C2CD2: variants seen among roughly 807,000 people sequenced by gnomAD.
C2CD2 encodes the protein C2 domain-containing protein 2.
A neutral mutation model predicts 74.3 loss-of-function variants in C2CD2; 43 were observed. The ratio of observed to expected loss-of-function variants is 0.58; its 90% CI spans 0.45 to 0.75. C2CD2 has a LOEUF of 0.75. C2CD2 is among the 30% of genes least tolerant of loss of function. The pLI is 0.00. For synonymous variants in C2CD2, 422 were observed against 390.7 expected (o/e 1.08, Z -0.94); for missense variants, 801 against 916.3 (o/e 0.87, Z 1.63).
chr21:41,893,698 CTTTTTT>C (rs60305027), intron 13 of C2CD2, among the ~76,000 whole-genome samples: 6 of 122,108 alleles, frequency 4.9e-5, no homozygotes, highest in South Asian at 2.7e-4. Flanking sequence ...TGTTAAATTT[CTTTTTT>C]TTTTTTTTTT....
intron 7 of C2CD2, among the ~76,000 whole-genome samples, chr21:41,910,341 A>T (rs938572607): frequency 1.3e-5 from 2 of 152,108 alleles, no homozygotes; most frequent in African/African-American, 4.8e-5. Context: ...ATTCTTACCC[A>T]TATATCTTTG....
chr21:41,952,743 C>G (rs535225136), intron 1 of C2CD2, among the ~76,000 whole-genome samples: 34 of 152,362 alleles, frequency 2.2e-4, no homozygotes, highest in East Asian at 1.7e-3. Context: ...CTGTGTGGCA[C>G]TGGGCAGGCT....
At chr21:41,893,309 A>G (rs2064779170) in intron 13 of C2CD2, among the ~76,000 whole-genome samples, 1 of 152,280 alleles carries the variant, frequency 6.6e-6, no homozygotes, top group Non-Finnish European at 1.5e-5. Flanking sequence ...CGAGACTACA[A>G]TGAGCTATGA....
chr21:41,932,981 C>T (rs939327306), intron 2 of C2CD2, among the ~76,000 whole-genome samples: 3 of 150,322 alleles, frequency 2.0e-5, no homozygotes, highest in South Asian at 2.1e-4. Flanking sequence ...GGTTTGTCGG[C>T]GGAGAGGAGG....
intron 2 of C2CD2, among the ~76,000 whole-genome samples, chr21:41,936,250 C>T (rs1042143704): frequency 6.6e-6 from 1 of 152,162 alleles, no homozygotes; most frequent in East Asian, 1.9e-4. Context: ...AGTAACTCAA[C>T]AGCAGGAAAA....
chr21:41,947,117 T>C (rs1026878652), intron 1 of C2CD2, among the ~76,000 whole-genome samples: 1 of 66,886 alleles, frequency 1.5e-5, no homozygotes, highest in African/African-American at 6.0e-5. Flanking sequence ...CTCTTTTCTC[T>C]CTCTCTCTCT....
chr21:41,947,221 G>A (rs532064335), intron 1 of C2CD2, among the ~76,000 whole-genome samples: 1 of 143,854 alleles, frequency 7.0e-6, no homozygotes, highest in East Asian at 2.4e-4. Flanking sequence ...GCAATGGCGC[G>A]ATCTCGGCTC....
intron 7 of C2CD2, 113 bp from the exon 8 acceptor site, chr21:41,909,636 C>T: frequency 1.3e-6 from 1 of 791,736 alleles, no homozygotes; most frequent in Non-Finnish European, 2.2e-6. Flanking sequence ...CAATATTTAA[C>T]AAACTACCAA....
In C2CD2 at chr21:41,892,704, T is replaced by C. The variant is rs1569052895; in HGVS notation, c.1871-3360A>G. Among the ~76,000 whole-genome samples, 1 of 152,186 alleles carries C rather than the reference T, an allele frequency of 6.6e-6. No homozygotes were observed. Among genetic ancestry groups the C allele is most frequent in the Admixed American group, 6.5e-5 (1 of 15,288 alleles). Reference sequence around the variant, plus strand: ...AGGTCTTTTGAACATGCAGCTGGGGTTATCCACTGCTAGCCCGGGTCTGGC... The same window carrying C: ...AGGTCTTTTGAACATGCAGCTGGGGCTATCCACTGCTAGCCCGGGTCTGGC... On this transcript the variant is annotated intron_variant, in intron 13 of 13. Coordinates refer to ENST00000380486, the MANE Select transcript of C2CD2 (RefSeq NM_015500.2). This position sits in a 1 kb window ranked among gnomAD's most constrained non-coding sequence, Gnocchi z 4.6.
At chr21:41,935,712 C>T (rs1403544887) in intron 2 of C2CD2, among the ~76,000 whole-genome samples, 5 of 151,948 alleles carry the variant, frequency 3.3e-5, no homozygotes, top group East Asian at 1.9e-4. Flanking sequence ...ATTCACAGGG[C>T]GTGGTGGTGC....
At chr21:41,919,192 G>A (rs1202913512) in intron 3 of C2CD2, among the ~76,000 whole-genome samples, 1 of 152,214 alleles carries the variant, frequency 6.6e-6, no homozygotes, top group Non-Finnish European at 1.5e-5. Flanking sequence ...GTGTGAATGT[G>A]TGCATGTGCA....
At chr21:41,898,238 C>T (rs984280036) in intron 13 of C2CD2, among the ~76,000 whole-genome samples, 1 of 152,188 alleles carries the variant, frequency 6.6e-6, no homozygotes, top group Non-Finnish European at 1.5e-5. Flanking sequence ...CTGCCTTGCC[C>T]CCAGTCCTGT....
chr21:41,899,172 A>G lies in C2CD2; in HGVS notation c.1751T>C (p.Leu584Ser), dbSNP rs199752436. The change falls in exon 13 of 14, where the codon TTG becomes TCG. Residue 584 changes from leucine (L) to serine (S), a missense_variant. Physicochemically the swap from Leu to Ser is moderately radical, Grantham distance 145. Transcript: ENST00000380486. The surrounding 1 kb of genome is among the most constrained non-coding windows in gnomAD (Gnocchi z 4.4). ...TGCCGCGGCCTGTGGCTCCTTCTCC[A>G]AGTCCCAGGAGTCTAGCTCGTCCTC... is the stretch of plus-strand genomic sequence containing the variant. ...PQEDELDSWD[L>S]EKEPQAAAWS... 9.3e-6 allele frequency: 15 copies of G among 1,613,056 alleles called. No individual in the cohort carries two copies. The highest frequency in any genetic ancestry group is 2.2e-5 in the East Asian group (1 of 44,860).
rs539715936 is a variant in C2CD2, at chr21:41,896,739, G to C, written c.1870+2314C>G. On this transcript the variant is annotated intron_variant, in intron 13 of 13. Coordinates refer to ENST00000380486, the MANE Select transcript of C2CD2 (RefSeq NM_015500.2). ...AAAAAAAAAAAAAAAACAAGCTTTA[G>C]TTTTTAAAAAAAGACATCCTCTATC... Among the ~76,000 whole-genome samples the C allele has an allele frequency of 3.7e-3, 503 of 135,586 alleles. 2 individuals carry two copies. Among genetic ancestry groups the C allele is most frequent in the Middle Eastern group, 0.012 (3 of 254 alleles). The allele number at this position is 135,586 out of a possible 152,430, so 88.9% of individuals were successfully genotyped here. A position where few individuals can be genotyped will look rare whatever the true frequency, so the allele number is the denominator to read the frequency against.
chr21:41,922,695 G>A lies in C2CD2; in HGVS notation c.379-610C>T, dbSNP rs530785296. 5.5e-3 allele frequency among the ~76,000 whole-genome samples: 840 copies of A among 151,770 alleles called. 8 individuals are homozygous for A. The highest frequency in any genetic ancestry group is 0.014 in the Middle Eastern group (4 of 294). ...TCACCATGTTGGCCAGGCCAGTCTC[G>A]AACTCCTGGCCTCAGCTGATCTACC... is the stretch of plus-strand genomic sequence containing the variant. On this transcript the variant is annotated intron_variant, in intron 2 of 13. Transcript: ENST00000380486.
rs1225145419 is a variant in C2CD2 at position 41,899,680 on chromosome 21, C to A, written c.1561-318G>T. 6.6e-6 allele frequency among the ~76,000 whole-genome samples: 1 copy of A among 151,918 alleles called. No homozygotes were observed. Among genetic ancestry groups the A allele is most frequent in the South Asian group, 2.1e-4 (1 of 4,808 alleles). On this transcript the variant is annotated intron_variant, in intron 12 of 13. Transcript: ENST00000380486. The surrounding 1 kb of genome is among the most constrained non-coding windows in gnomAD (Gnocchi z 4.4). ...TGTGGCAAGCTGCAGAAATGAGATG[C>A]GAGAGAGAGAGCCCGTCCTTCAGAG...
chr21:41,948,902 T>TTTTTC (rs2065427065), intron 1 of C2CD2, among the ~76,000 whole-genome samples: 1 of 143,244 alleles, frequency 7.0e-6, no homozygotes, highest in Non-Finnish European at 1.5e-5. Context: ...TCTTTTTTTT[T>TTTTTC]ACAAAGACCA....
chr21:41,944,736 A>C (rs2065385078), intron 1 of C2CD2, among the ~76,000 whole-genome samples: 2 of 152,182 alleles, frequency 1.3e-5, no homozygotes, highest in South Asian at 2.1e-4. Context: ...CAATGCTGAC[A>C]GAACCCTCAT....
intron 13 of C2CD2, among the ~76,000 whole-genome samples, chr21:41,890,832 C>CT (rs2064744074): frequency 6.6e-6 from 1 of 152,182 alleles, no homozygotes; most frequent in Admixed American, 6.5e-5. Context: ...GCCTATGAAT[C>CT]TTTGTATAAT....
Sources: gnomAD v4.1 joint callset for allele counts (sites outside exome capture counted in the v4.1 genomes callset) on GRCh38, gnomAD v4.1.1 for gene constraint, Gnocchi (gnomAD v3.1) non-coding constraint, MANE v1.5 for transcripts, NCBI Gene and HGNC (gene_info 2026-07-23, HGNC 2026-07-21) for gene names.